Variants in BSN observed in about 807,000 individuals in gnomAD.
BSN encodes the protein protein bassoon.
A neutral mutation model predicts 264.8 loss-of-function variants in BSN; 57 were observed. The ratio of observed to expected loss-of-function variants is 0.22; its 90% CI spans 0.17 to 0.27. The LOEUF is 0.27. Among genes scored for constraint, BSN ranks in the 10% least tolerant of loss-of-function variants. The probability of loss-of-function intolerance (pLI) is 1.00; values close to 1 mark genes in which losing one functional copy is unlikely to be tolerated. For synonymous variants in BSN, 2,059 were observed against 2,137.3 expected (o/e 0.96, Z 1.01); for missense variants, 4,615 against 5,232.5 (o/e 0.88, Z 3.64).
At position 49,661,995 on chromosome 3, in the gene BSN, G is replaced by T; in HGVS notation, c.10150G>T (p.Asp3384Tyr). The change falls in exon 6 of 12, where the codon GAC (aspartate) becomes TAC (tyrosine). Residue 3384 changes from aspartate to tyrosine, a missense_variant. Asp to Tyr is a radical substitution (Grantham distance 160). Around this residue, in one of 3 missense-constraint regions of BSN, gnomAD observed 3,415 missense variants for 3,866.4 expected, o/e 0.88. Coordinates refer to ENST00000296452, the MANE Select transcript of BSN (RefSeq NM_003458.4). ...TGAAGAGGCCAAAGACGTAGAGTCA[G>T]ACCTGGCGTCCTACCCCCCACCTGC... ...PIEEAKDVES[D>Y]LASYPPPAVS... The T allele has an allele frequency of 6.2e-7, 1 of 1,613,924 alleles. No homozygotes were observed. The highest frequency in any genetic ancestry group is 1.7e-5 in the Admixed American group (1 of 60,026).
Position 49,652,849 on chromosome 3 carries a change from C to A in BSN, c.3293C>A (p.Ser1098Ter). The change falls in exon 5 of 12, where the codon TCA becomes TAA. Residue 1098 changes from serine (S) to a stop codon, truncating the protein, a stop_gained. Transcript: ENST00000296452. LOFTEE classifies it high-confidence loss of function. ...ERSKTPPSNL[S>*]PIEDASPTEE... ...TCCAAGACACCACCCAGTAACTTGT[C>A]ACCCATCGAGGATGCCTCCCCGACG... The A allele has an allele frequency of 6.2e-7, 1 of 1,601,332 alleles. No homozygotes were observed.
At chr3:49,634,542 C>T (rs1206403275) in intron 2 of BSN, among the ~76,000 whole-genome samples, 1 of 152,188 alleles carries the variant, frequency 6.6e-6, no homozygotes, top group Non-Finnish European at 1.5e-5. Flanking sequence ...CAGGCATGTG[C>T]CACCACACCC....
chr3:49,607,123 C>A (rs2052159559), intron 1 of BSN, among the ~76,000 whole-genome samples: 2 of 152,172 alleles, frequency 1.3e-5, no homozygotes, highest in Admixed American at 6.5e-5. Flanking sequence ...TTTTGTCAGA[C>A]ACAGGCCATA....
chr3:49,605,452 TA>T (rs2052110238), intron 1 of BSN, among the ~76,000 whole-genome samples: 3 of 26,128 alleles, frequency 1.1e-4, no homozygotes, highest in African/African-American at 5.2e-4. Context: ...ATATATTATA[TA>T]ATATATATTA....
intron 1 of BSN, among the ~76,000 whole-genome samples, chr3:49,617,283 TTATATATATATATATATATATATATA>T (rs6147817): frequency 8.2e-6 from 1 of 122,090 alleles, no homozygotes; most frequent in Non-Finnish European, 1.8e-5. Context: ...ATAAAATACA[TTATATATATATATATATATATATATA>T]TATATATATA....
chr3:49,658,780 T>C (rs1024766849), intron 5 of BSN, among the ~76,000 whole-genome samples: 1 of 152,188 alleles, frequency 6.6e-6, no homozygotes, highest in African/African-American at 2.4e-5. Flanking sequence ...CACATCTGTC[T>C]GCTCCCCTAG....
chr3:49,647,299 C>CT (rs1205098119), intron 3 of BSN, among the ~76,000 whole-genome samples: 1 of 152,222 alleles, frequency 6.6e-6, no homozygotes, highest in Middle Eastern at 3.2e-3. Flanking sequence ...GTTTCCCCTT[C>CT]TTTACCCTAA....
Position 49,613,303 on chromosome 3 carries a change from C to CAAGAGAGAGAGAGAGAGAGA in BSN, c.225-11672_225-11671insAAGAGAGAGAGAGAGAGAGA, listed in dbSNP as rs2052223343. 5.3e-3 allele frequency among the ~76,000 whole-genome samples: 251 copies of CAAGAGAGAGAGAGAGAGAGA among 47,336 alleles called. 6 individuals carry two copies. The highest frequency in any genetic ancestry group is 0.016 in the Middle Eastern group (1 of 64). 31.1% of individuals were successfully genotyped at this position (47,336 alleles called of 152,430 possible). On this transcript the variant is annotated intron_variant, in intron 1 of 11. Coordinates refer to ENST00000296452, the MANE Select transcript of BSN (RefSeq NM_003458.4). Reference sequence around the variant, plus strand: ...TATATATATATATACACACACAGAGCGAGAGAGAGAGAGAGAGAGAGAGAG... The same window carrying CAAGAGAGAGAGAGAGAGAGA: ...TATATATATATATACACACACAGAGCAAGAGAGAGAGAGAGAGAGAGAGAGAGAGAGAGAGAGAGAGAGAG...
intron 6 of BSN, 109 bp from the exon 7 acceptor site, chr3:49,662,767 T>C: frequency 7.0e-7 from 1 of 1,435,714 alleles, no homozygotes; most frequent in Non-Finnish European, 9.3e-7. Context: ...CCTGCTGATC[T>C]GCTTGTGGCT....
At chr3:49,611,722 G>A (rs1328957107) in intron 1 of BSN, among the ~76,000 whole-genome samples, 1 of 152,206 alleles carries the variant, frequency 6.6e-6, no homozygotes, top group African/African-American at 2.4e-5. Context: ...GACTGGAAAG[G>A]CCAGGAAGGT....
Position 49,653,899 on chromosome 3 carries a change from C to A in BSN, c.4343C>A (p.Ala1448Asp). The change falls in exon 5 of 12, where the codon GCT (alanine) becomes GAT (aspartate). Residue 1448 changes from alanine to aspartate, a missense_variant. Physicochemically the swap from Ala to Asp is moderately radical, Grantham distance 126. Transcript: ENST00000296452. This position sits in a 1 kb window ranked among gnomAD's most constrained non-coding sequence, Gnocchi z 6.3. ...AGTGGCCTTGCTGCAGCTGGACGAG[C>A]TGCTAGAGAGAAGCCCTTGAGTGCG... is the stretch of plus-strand genomic sequence containing the variant. ...APSGLAAAGR[A>D]AREKPLSASD... The A allele has an allele frequency of 6.2e-7, 1 of 1,614,146 alleles. No homozygotes were observed. Among genetic ancestry groups the A allele is most frequent in the Non-Finnish European group, 8.5e-7 (1 of 1,180,004 alleles).
rs1041734903 is a variant in BSN, at chr3:49,668,080, C to T, written c.*595C>T. 3.9e-5 allele frequency: 6 copies of T among 152,584 alleles called. No individual in the cohort carries two copies. The highest frequency in any genetic ancestry group is 6.5e-5 in the Admixed American group (1 of 15,282). The allele number at this position is 152,584 out of a possible 1,614,324, so 9.5% of individuals were successfully genotyped here. A position where few individuals can be genotyped will look rare whatever the true frequency, so the allele number is the denominator to read the frequency against. ...CCGTCACATGCCCTCTGGGTGACAT[C>T]GGAGCAGACCTCCATGTGGCCAGGG... On this transcript the variant is annotated 3_prime_UTR_variant, in exon 12 of 12. Coordinates refer to ENST00000296452, the MANE Select transcript of BSN (RefSeq NM_003458.4).
At position 49,586,461 on chromosome 3, in the gene BSN, A is replaced by G. The variant is rs375042017; in HGVS notation, c.224+31635A>G. ...ACAATCATGGCTCACTGCAGCCTCA[A>G]CCTCAGCCTCCTGGGTAGCTGGGAC... On this transcript the variant is annotated intron_variant, in intron 1 of 11. Coordinates refer to ENST00000296452, the MANE Select transcript of BSN (RefSeq NM_003458.4). Among the ~76,000 whole-genome samples the G allele has an allele frequency of 4.1e-4, 63 of 152,118 alleles. No homozygotes were observed. The South Asian group carries it at 0.013, about 32-fold the overall frequency.
At chr3:49,627,543 A>G (rs2052350537) in intron 2 of BSN, among the ~76,000 whole-genome samples, 1 of 152,232 alleles carries the variant, frequency 6.6e-6, no homozygotes, top group Non-Finnish European at 1.5e-5. Context: ...ATGTGATGAG[A>G]AAACAGGTTT....
intron 1 of BSN, among the ~76,000 whole-genome samples, chr3:49,615,467 A>C (rs961885156): frequency 6.6e-6 from 1 of 152,114 alleles, no homozygotes; most frequent in Non-Finnish European, 1.5e-5. Context: ...TCAGAGTGGG[A>C]CTACAACATA....
chr3:49,605,608 A>G (rs1413185325), intron 1 of BSN, among the ~76,000 whole-genome samples: 1 of 17,832 alleles, frequency 5.6e-5, no homozygotes, highest in Non-Finnish European at 9.6e-5. Flanking sequence ...TATATATTAT[A>G]TATTATATAT....
chr3:49,556,498 A>G (rs2051673136), intron 1 of BSN, among the ~76,000 whole-genome samples: 1 of 152,186 alleles, frequency 6.6e-6, no homozygotes, highest in African/African-American at 2.4e-5. Flanking sequence ...TAGTAGTCAC[A>G]CAATCTCTTA....
intron 1 of BSN, among the ~76,000 whole-genome samples, chr3:49,613,159 A>C (rs1037905550): frequency 6.6e-6 from 1 of 151,954 alleles, no homozygotes; most frequent in Non-Finnish European, 1.5e-5. Context: ...ACAACAACAA[A>C]AAAGGCCAGA....
At position 49,652,213 on chromosome 3, in the gene BSN, G is replaced by A; in HGVS notation, c.2657G>A (p.Ser886Asn). 6.2e-7 allele frequency: 1 copy of A among 1,613,082 alleles called. No individual in the cohort carries two copies. Among genetic ancestry groups the A allele is most frequent in the East Asian group, 2.2e-5 (1 of 44,874 alleles). Residue 886 changes from serine (S) to asparagine (N), a missense_variant, in exon 5 of 12, where the codon AGC becomes AAC. Coordinates refer to ENST00000296452, the MANE Select transcript of BSN (RefSeq NM_003458.4). ...KGGPRPRPEP[S>N]QEPAALPKRR... ...GGCCCCAGACCCAGGCCTGAGCCTA[G>A]CCAAGAACCAGCAGCACTGCCCAAG...
Sources: gnomAD v4.1 joint callset for allele counts (sites outside exome capture counted in the v4.1 genomes callset) on GRCh38, gnomAD v4.1.1 for gene constraint, gnomAD v4.1.1 regional missense constraint, Gnocchi (gnomAD v3.1) non-coding constraint, MANE v1.5 for transcripts, NCBI Gene and HGNC (gene_info 2026-07-23, HGNC 2026-07-21) for gene names.